CEP128: variants seen among roughly 807,000 people sequenced by gnomAD.
CEP128 encodes centrosomal protein 128kDa.
In CEP128, 132 loss-of-function variants were observed where a neutral mutation model predicts 156.7. The observed-to-expected ratio is 0.84, with a 90% CI of 0.73 to 0.97. CEP128 has a LOEUF of 0.97. Among genes scored for constraint, CEP128 ranks in the 50% least tolerant of loss-of-function variants. The pLI is 0.00. For missense variants in CEP128, 1,252 were observed against 1,281.9 expected, an observed-to-expected ratio of 0.98 and a Z score of 0.36; for synonymous variants, 469 against 448.9, an observed-to-expected ratio of 1.04 and a Z score of -0.57.
At position 80,717,743 on chromosome 14, in the gene CEP128, T is replaced by C. The variant is rs1357268543; in HGVS notation, c.2806+25332A>G. On this transcript the variant is annotated intron_variant, in intron 19 of 24. Transcript: ENST00000555265. The stretch of plus-strand genomic sequence containing the variant: ...TTCAGAATCAGAATATTAGATCAAA[T>C]AGATCATTGATCTAACTCAGTATGT... 1.3e-5 allele frequency among the ~76,000 whole-genome samples: 2 copies of C among 152,230 alleles called. 1 individual carries two copies. The highest frequency in any genetic ancestry group is 3.8e-4 in the East Asian group (2 of 5,202).
At position 80,931,800 on chromosome 14, in the gene CEP128, T is replaced by C. The variant is rs189539115; in HGVS notation, c.-16+7585A>G. Among the ~76,000 whole-genome samples the C allele has an allele frequency of 4.2e-3, 634 of 152,372 alleles. 10 individuals are homozygous for C. Among genetic ancestry groups the C allele is most frequent in the African/African-American group, 0.015 (610 of 41,592 alleles). On this transcript the variant is annotated intron_variant, in intron 2 of 24. Transcript: ENST00000555265. ...CCAGTGAACATTGGGATTTTTGACA[T>C]GTTTCAAATATTAGCAGAGATTTTG...
chr14:80,553,142 C>T (rs1890282343), intron 21 of CEP128, among the ~76,000 whole-genome samples: 1 of 151,246 alleles, frequency 6.6e-6, no homozygotes, highest in African/African-American at 2.4e-5. Flanking sequence ...AGATTTGTTA[C>T]ATAGGTACAC....
chr14:80,762,346 G>A (rs1399897204), intron 16 of CEP128, among the ~76,000 whole-genome samples: 2 of 151,998 alleles, frequency 1.3e-5, no homozygotes, highest in African/African-American at 2.4e-5. Flanking sequence ...CACTAGAATT[G>A]TATGTCTAAA....
At chr14:80,934,636 A>T (rs1243366003) in intron 2 of CEP128, among the ~76,000 whole-genome samples, 1 of 152,204 alleles carries the variant, frequency 6.6e-6, no homozygotes, top group Admixed American at 6.5e-5. Context: ...TGTCCGGCAC[A>T]TTCAATATTT....
At chr14:80,675,109 T>A (rs1341199376) in intron 19 of CEP128, among the ~76,000 whole-genome samples, 1 of 152,086 alleles carries the variant, frequency 6.6e-6, no homozygotes. Flanking sequence ...AACCTTTTAA[T>A]TTCAATCATT....
At chr14:80,751,068 T>G (rs1305970602) in intron 18 of CEP128, among the ~76,000 whole-genome samples, 4 of 151,970 alleles carry the variant, frequency 2.6e-5, no homozygotes, top group Non-Finnish European at 5.9e-5. Context: ...GGAAGAGAGG[T>G]CTCACCAGAA....
intron 21 of CEP128, among the ~76,000 whole-genome samples, chr14:80,534,238 T>A (rs371771462): frequency 5.4e-5 from 8 of 147,540 alleles, no homozygotes; most frequent in Middle Eastern, 3.5e-3. Context: ...TTTTTTTTTT[T>A]AATTTAAGAT....
upstream of CEP128, among the ~76,000 whole-genome samples, chr14:80,943,181 G>C (rs140521098): frequency 2.5e-4 from 38 of 152,314 alleles, no homozygotes; most frequent in East Asian, 5.8e-3. Flanking sequence ...AATGTATGCT[G>C]TATATTTCTA....
In CEP128 at chr14:80,785,033, A is replaced by G. The variant is rs763311228; in HGVS notation, c.2073T>C (p.Asp691=). 1 of 1,614,176 alleles carries G rather than the reference A, an allele frequency of 6.2e-7. No individual in the cohort carries two copies. Among genetic ancestry groups the G allele is most frequent in the Non-Finnish European group, 8.5e-7 (1 of 1,180,004 alleles). The change falls in exon 15 of 25, where the codon GAT becomes GAC. Residue 691 remains aspartate (D), a synonymous_variant. Transcript: ENST00000555265. ...GATCTTTCAGCTCCCTCTGGTGCACATCTCGTTCCAGCTTTAACTGTGTGA... is the reference window on the plus strand; with the variant it reads ...GATCTTTCAGCTCCCTCTGGTGCACGTCTCGTTCCAGCTTTAACTGTGTGA... The part of the protein sequence containing the change: ...TIITQLKLER[D]VHQRELKDLT...
chr14:80,876,597 CAAA>C (rs11419599), intron 8 of CEP128, among the ~76,000 whole-genome samples: 1 of 135,996 alleles, frequency 7.4e-6, no homozygotes, highest in African/African-American at 2.7e-5. Flanking sequence ...ACTCCCATTT[CAAA>C]AAAAAAAAAA....
At chr14:80,478,103 T>C (rs533866933) in exon 15 of CEP128, 4 of 152,302 alleles carry the variant, frequency 2.6e-5, no homozygotes, top group African/African-American at 9.6e-5. Context: ...AAACACTTTT[T>C]ACTAGCAGAG....
intron 9 of CEP128, among the ~76,000 whole-genome samples, chr14:80,843,447 GA>G (rs1457245603): frequency 1.3e-5 from 2 of 152,104 alleles, no homozygotes; most frequent in Non-Finnish European, 2.9e-5. Context: ...CAACACTATA[GA>G]AAAACAAGTC....
intron 18 of CEP128, among the ~76,000 whole-genome samples, chr14:80,744,446 G>A (rs566657180): frequency 1.1e-4 from 17 of 152,114 alleles, no homozygotes; most frequent in Non-Finnish European, 2.2e-4. Context: ...ATAGAGTTCT[G>A]TAGAAATGGT....
intron 9 of CEP128, among the ~76,000 whole-genome samples, chr14:80,847,649 T>C (rs762289733): frequency 2.6e-5 from 4 of 152,110 alleles, no homozygotes; most frequent in Non-Finnish European, 5.9e-5. Flanking sequence ...GAAAATACAG[T>C]CTTAGCAAAA....
chr14:80,526,805 A>C (rs1888989943), intron 23 of CEP128, 64 bp downstream of exon 23: 1 of 836,258 alleles, frequency 1.2e-6, no homozygotes, highest in South Asian at 1.5e-5. Flanking sequence ...GAGGCTGCTT[A>C]AGAGGTTGTA....
At chr14:80,767,620 C>T (rs1320937369) in intron 16 of CEP128, among the ~76,000 whole-genome samples, 1 of 152,100 alleles carries the variant, frequency 6.6e-6, no homozygotes, top group East Asian at 1.9e-4. Flanking sequence ...TAACACACCC[C>T]TCCTTCCTCA....
At chr14:80,536,198 G>T (rs1889475599) in intron 21 of CEP128, among the ~76,000 whole-genome samples, 1 of 152,082 alleles carries the variant, frequency 6.6e-6, no homozygotes. Context: ...GGAATGCATT[G>T]CAATTCTTAG....
chr14:80,784,468 C>G lies in CEP128; in HGVS notation c.2211+427G>C, dbSNP rs144210181. On this transcript the variant is annotated intron_variant, in intron 15 of 24. Transcript: ENST00000555265. ...GATTTGGAAAAGAAGGAGTAAATCT[C>G]GAAAGCCTTGGGTTTACACAGCCCA... Among the ~76,000 whole-genome samples the G allele has an allele frequency of 2.0e-3, 312 of 152,228 alleles. 1 individual carries two copies. Among genetic ancestry groups the G allele is most frequent in the African/African-American group, 7.2e-3 (298 of 41,536 alleles).
chr14:80,697,376 G>A (rs569231735), intron 19 of CEP128, among the ~76,000 whole-genome samples: 1 of 152,164 alleles, frequency 6.6e-6, no homozygotes, highest in Non-Finnish European at 1.5e-5. Flanking sequence ...CCATGATTAT[G>A]TATCCCAAAA....
Sources: gnomAD v4.1 joint callset for allele counts (sites outside exome capture counted in the v4.1 genomes callset) on GRCh38, gnomAD v4.1.1 for gene constraint, MANE v1.5 for transcripts, NCBI Gene and HGNC (gene_info 2026-07-23, HGNC 2026-07-21) for gene names.